Variants in DSG4 observed in about 807,000 individuals in gnomAD.
DSG4 encodes desmoglein 4, also known as desmoglein-4.
DSG4 carries 87 observed loss-of-function variants against 93.1 expected under a neutral mutation model. The observed-to-expected ratio is 0.93, with a 90% CI of 0.79 to 1.12. The LOEUF (loss-of-function observed/expected upper bound fraction) is 1.12, where lower values mean the gene tolerates loss of function less well. Ranked by LOEUF, DSG4 falls within the 50% of genes most tolerant of loss-of-function variation. The pLI is 0.00. For synonymous variants in DSG4, 432 were observed against 452.9 expected (o/e 0.95, Z 0.59); for missense variants, 1,373 against 1,285.7 (o/e 1.07, Z -1.04).
In DSG4 at chr18:31,389,966, A is replaced by G. The variant is rs561700610; in HGVS notation, c.518-690A>G. ...GAAGGAAGAGAAGGTGAAACCCACA[A>G]CCAAGTCTCCCTGCCTAGGAAGCAA... On this transcript the variant is annotated intron_variant, in intron 5 of 15. Coordinates refer to ENST00000308128, the MANE Select transcript of DSG4 (RefSeq NM_177986.5). Among the ~76,000 whole-genome samples, 23 of 152,256 alleles carry G rather than the reference A, an allele frequency of 1.5e-4. 2 individuals carry two copies. The South Asian group carries it at 4.8e-3, about 32-fold the overall frequency.
rs1479168117 is a variant in DSG4, at chr18:31,413,542, A to G, written c.3070A>G (p.Thr1024Ala). The G allele has an allele frequency of 1.2e-6, 2 of 1,613,976 alleles. No homozygotes were observed. The highest frequency in any genetic ancestry group is 2.7e-5 in the African/African-American group (2 of 74,892). Reference protein sequence around the residue: ...GQTVGSTSPMTSRHRVTRYSN... With the variant: ...GQTVGSTSPMASRHRVTRYSN... ...AACCGTTGGCTCCACATCCCCCATG[A>G]CATCTCGACACAGAGTAACACGATA... is the stretch of plus-strand genomic sequence containing the variant. The change falls in exon 16 of 16, where the codon ACA (threonine) becomes GCA (alanine). Residue 1024 changes from threonine to alanine, a missense_variant. Thr to Ala is a moderately conservative substitution (Grantham distance 58). Coordinates refer to ENST00000308128, the MANE Select transcript of DSG4 (RefSeq NM_177986.5).
intron 1 of DSG4, among the ~76,000 whole-genome samples, chr18:31,384,647 T>C (rs1008504053): frequency 2.0e-5 from 3 of 152,190 alleles, no homozygotes; most frequent in Non-Finnish European, 4.4e-5. Flanking sequence ...TGTAGATTCT[T>C]GCATCTCCCA....
chr18:31,388,759 A>C, intron 4 of DSG4, 115 bp from the exon 5 acceptor site: 2 of 1,491,974 alleles, frequency 1.3e-6, no homozygotes, highest in Non-Finnish European at 1.9e-6. Flanking sequence ...TGACTGTACT[A>C]CAGTCTGAAT....
At chr18:31,407,306 G>T (rs928077141) in intron 12 of DSG4, among the ~76,000 whole-genome samples, 1 of 152,196 alleles carries the variant, frequency 6.6e-6, no homozygotes, top group Admixed American at 6.5e-5. Context: ...GTTGATGAGG[G>T]CTGATGAGCG....
chr18:31,381,290 C>G (rs1479353283), intron 1 of DSG4, among the ~76,000 whole-genome samples: 1 of 152,216 alleles, frequency 6.6e-6, no homozygotes, highest in South Asian at 2.1e-4. Flanking sequence ...CACTACATTG[C>G]CATTCCAACA....
At chr18:31,401,785 T>C (rs1039463668) in intron 10 of DSG4, 18 of 152,304 alleles carry the variant, frequency 1.2e-4, no homozygotes, top group African/African-American at 4.3e-4. Context: ...ACATGCCTAA[T>C]GTAAGACAGA....
At chr18:31,388,765 T>C in intron 4 of DSG4, 109 bp from the exon 5 acceptor site, 1 of 1,531,068 alleles carries the variant, frequency 6.5e-7, no homozygotes, top group Non-Finnish European at 9.0e-7. Flanking sequence ...TACTACAGTC[T>C]GAATTCACTG....
rs1319652025 is a variant in DSG4, at chr18:31,414,478, T to C, written c.*883T>C. On this transcript the variant is annotated 3_prime_UTR_variant, in exon 16 of 16. Coordinates refer to ENST00000308128, the MANE Select transcript of DSG4 (RefSeq NM_177986.5). Reference sequence around the variant, plus strand: ...AACCAGATATTCTCCAAAAGCACTCTGTAGTTATTCATATATTCTACAATA... The same window carrying C: ...AACCAGATATTCTCCAAAAGCACTCCGTAGTTATTCATATATTCTACAATA... The C allele has an allele frequency of 2.0e-5, 3 of 152,220 alleles. No individual in the cohort carries two copies. The highest frequency in any genetic ancestry group is 4.4e-5 in the Non-Finnish European group (3 of 68,038). 9.4% of individuals were successfully genotyped at this position (152,220 alleles called of 1,614,324 possible).
intron 8 of DSG4, among the ~76,000 whole-genome samples, chr18:31,393,957 T>G (rs1010886607): frequency 2.6e-5 from 4 of 152,322 alleles, no homozygotes; most frequent in Admixed American, 2.6e-4. Flanking sequence ...TTATAATTTC[T>G]TAAGTGAACA....
At chr18:31,409,430 A>T in intron 12 of DSG4, 22 bp from the exon 13 acceptor site, 1 of 1,613,978 alleles carries the variant, frequency 6.2e-7, no homozygotes, top group Non-Finnish European at 8.5e-7. Flanking sequence ...TGTTAACTCG[A>T]CATTGTCACT....
intron 5 of DSG4, among the ~76,000 whole-genome samples, chr18:31,390,256 TTTAA>T (rs2072232930): frequency 6.6e-6 from 1 of 152,182 alleles, no homozygotes; most frequent in South Asian, 2.1e-4. Context: ...TAATGTTGCA[TTTAA>T]TTAAACTATA....
intron 1 of DSG4, among the ~76,000 whole-genome samples, chr18:31,381,138 A>C (rs148180165): frequency 9.2e-5 from 14 of 152,284 alleles, no homozygotes; most frequent in South Asian, 4.1e-4. Flanking sequence ...TTTAGTTTCT[A>C]ACTTATCTTT....
At chr18:31,387,447 G>T (rs8092320) in intron 3 of DSG4, among the ~76,000 whole-genome samples, 107,756 of 152,062 alleles carry the variant, frequency 0.71, 38,988 homozygotes, top group East Asian at 0.89. Flanking sequence ...AGCATCAGCA[G>T]TGGTGTTACA....
chr18:31,399,212 T>C (rs1411881290), intron 8 of DSG4, 60 bp from the exon 9 acceptor site: 32 of 1,606,284 alleles, frequency 2.0e-5, no homozygotes, highest in Non-Finnish European at 2.6e-5. Context: ...CCATGGCTTC[T>C]TACTTTATCG....
intron 1 of DSG4, 87 bp downstream of exon 1, chr18:31,377,046 T>C: frequency 7.1e-7 from 1 of 1,405,332 alleles, no homozygotes; most frequent in Admixed American, 1.8e-5. Flanking sequence ...TGGGATTTAT[T>C]CCATTTTTAA....
rs1165572883 is a variant in DSG4, at chr18:31,376,921, C to T, written c.10C>T (p.Leu4Phe). The T allele has an allele frequency of 1.2e-6, 2 of 1,613,628 alleles. No homozygotes were observed. The highest frequency in any genetic ancestry group is 1.7e-6 in the Non-Finnish European group (2 of 1,179,712). Residue 4 changes from leucine to phenylalanine, a missense_variant, in exon 1 of 16, where the codon CTC (leucine) becomes TTC (phenylalanine). By Grantham distance (22) the Leu-to-Phe change is conservative (BLOSUM62 0). Transcript: ENST00000308128. ...AGAGAAACCCAAAGGAATGGATTGG[C>T]TCTTCTTCAGAAACATTTGCCTTTT... MDW[L>F]FFRNICLLII...
intron 1 of DSG4, among the ~76,000 whole-genome samples, chr18:31,379,563 G>T (rs1025796961): frequency 1.5e-4 from 23 of 152,264 alleles, no homozygotes; most frequent in African/African-American, 3.4e-4. Context: ...CCATTTATCA[G>T]ATAAGAATTT....
At chr18:31,389,107 A>C in intron 5 of DSG4, 89 bp downstream of exon 5, 1 of 1,478,486 alleles carries the variant, frequency 6.8e-7, no homozygotes, top group South Asian at 1.2e-5. Flanking sequence ...AGGAAATGTA[A>C]AGGACAGAAA....
At position 31,413,250 on chromosome 18, in the gene DSG4, T is replaced by C. The variant is rs372602864; in HGVS notation, c.2778T>C (p.Asp926=). Residue 926 remains aspartate (D), a synonymous_variant, in exon 16 of 16, where the codon GAT becomes GAC. Transcript: ENST00000308128. ...PCVQPTTIIF[D]PQLAPNVVVT... is the part of the protein sequence containing the mutation. ...TGCAACCCACTACAATTATTTTTGA[T>C]CCTCAGCTTGCACCCAATGTTGTAG... 2.5e-6 allele frequency: 4 copies of C among 1,614,194 alleles called. No homozygotes were observed. Among genetic ancestry groups the C allele is most frequent in the African/African-American group, 2.7e-5 (2 of 75,046 alleles).
Sources: gnomAD v4.1 joint callset for allele counts (sites outside exome capture counted in the v4.1 genomes callset) on GRCh38, gnomAD v4.1.1 for gene constraint, MANE v1.5 for transcripts, NCBI Gene and HGNC (gene_info 2026-07-23, HGNC 2026-07-21) for gene names.